SDHAF3: variants seen among roughly 807,000 people sequenced by gnomAD.
SDHAF3 encodes the protein succinate dehydrogenase complex assembly factor 3.
In SDHAF3, 18 loss-of-function variants were observed where a neutral mutation model predicts 11.5. The ratio of observed to expected loss-of-function variants is 1.56; its 90% CI spans 1.08 to 2.32. The LOEUF (loss-of-function observed/expected upper bound fraction) is 2.32. Ranked by LOEUF, SDHAF3 falls within the 30% of genes most tolerant of loss-of-function variation. The probability of loss-of-function intolerance (pLI) is 0.00; values close to 1 mark genes in which losing one functional copy is unlikely to be tolerated. For synonymous variants in SDHAF3, 72 were observed against 59.3 expected, an observed-to-expected ratio of 1.21 and a Z score of -0.99; for missense variants, 200 against 154.4, an observed-to-expected ratio of 1.30 and a Z score of -1.57.
At chr7:97,144,540 A>T (rs1419137386) in intron 1 of SDHAF3, among the ~76,000 whole-genome samples, 1 of 152,186 alleles carries the variant, frequency 6.6e-6, no homozygotes, top group Non-Finnish European at 1.5e-5. Flanking sequence ...GTGGCTAGCC[A>T]ATTATTCTAG....
At chr7:97,143,384 G>A (rs1403388034) in intron 1 of SDHAF3, among the ~76,000 whole-genome samples, 2 of 151,930 alleles carry the variant, frequency 1.3e-5, no homozygotes, top group Non-Finnish European at 2.9e-5. Context: ...TGATTTGTCA[G>A]ATTTTGGTCC....
chr7:97,173,904 T>TC (rs1789642295), intron 1 of SDHAF3, among the ~76,000 whole-genome samples: 1 of 151,058 alleles, frequency 6.6e-6, no homozygotes, highest in Non-Finnish European at 1.5e-5. Context: ...TTCCTGATTG[T>TC]TTTTGTTAGC....
chr7:97,128,624 G>A (rs1584209534), intron 1 of SDHAF3, among the ~76,000 whole-genome samples: 1 of 152,062 alleles, frequency 6.6e-6, no homozygotes, highest in South Asian at 2.1e-4. Context: ...TGAAGTTTTT[G>A]TACAAATTTA....
At chr7:97,129,524 G>T (rs1223858024) in intron 1 of SDHAF3, among the ~76,000 whole-genome samples, 5 of 152,146 alleles carry the variant, frequency 3.3e-5, no homozygotes, top group African/African-American at 1.2e-4. Flanking sequence ...TCTGGCTTTG[G>T]AAGGGAGAGG....
At chr7:97,173,252 A>ATGTT (rs1214835236) in intron 1 of SDHAF3, among the ~76,000 whole-genome samples, 7 of 152,126 alleles carry the variant, frequency 4.6e-5, no homozygotes, top group African/African-American at 1.7e-4. Flanking sequence ...TTTTAGTTGA[A>ATGTT]TGTTTCTAAT....
rs2115658085 is a variant in SDHAF3 at position 97,138,461 on chromosome 7, G to GCC, written c.174+20566_174+20567dup. Among the ~76,000 whole-genome samples, 3 of 152,248 alleles carry GCC rather than the reference G, an allele frequency of 2.0e-5. No individual in the cohort carries two copies. The East Asian group carries it at 5.8e-4, about 29-fold the overall frequency. ...TACAGGCATGAGCCACCACTGCCCA[G>GCC]CCCTCATTGGCTTTTGAAGATCATT... On this transcript the variant is annotated intron_variant, in intron 1 of 1. Transcript: ENST00000432641.
At chr7:97,171,931 C>G (rs1397165920) in intron 1 of SDHAF3, among the ~76,000 whole-genome samples, 1 of 151,968 alleles carries the variant, frequency 6.6e-6, no homozygotes, top group Non-Finnish European at 1.5e-5. Context: ...TGCAAAATTG[C>G]TTTGATCTCT....
intron 1 of SDHAF3, among the ~76,000 whole-genome samples, chr7:97,151,923 A>T (rs1409888778): frequency 1.3e-5 from 2 of 152,116 alleles, no homozygotes; most frequent in Non-Finnish European, 2.9e-5. Flanking sequence ...TCATGATACC[A>T]AAGAGCCTTA....
At chr7:97,126,061 C>T (rs1165879910) in intron 1 of SDHAF3, among the ~76,000 whole-genome samples, 1 of 152,224 alleles carries the variant, frequency 6.6e-6, no homozygotes, top group African/African-American at 2.4e-5. Context: ...GGCCCCTCTT[C>T]TGCAGATCTG....
intron 1 of SDHAF3, among the ~76,000 whole-genome samples, chr7:97,169,744 A>G (rs551576605): frequency 2.5e-4 from 38 of 152,216 alleles, no homozygotes. Flanking sequence ...TAAAAAATGT[A>G]AAAAAAGAAA....
chr7:97,157,898 G>T lies in SDHAF3; in HGVS notation c.175-23114G>T, dbSNP rs551890003. On this transcript the variant is annotated intron_variant, in intron 1 of 1. Coordinates refer to ENST00000432641, the MANE Select transcript of SDHAF3 (RefSeq NM_020186.3). The stretch of plus-strand genomic sequence containing the variant: ...CAAACACCGCATGTTCTCACTCATA[G>T]GTGGGAATTGAACAATGAGAACACA... Among the ~76,000 whole-genome samples, 27 of 145,388 alleles carry T rather than the reference G, an allele frequency of 1.9e-4. 1 individual carries two copies. In the South Asian group the frequency reaches 5.6e-3, roughly 30 times the overall value.
At chr7:97,166,180 A>C (rs1171091441) in intron 1 of SDHAF3, among the ~76,000 whole-genome samples, 5 of 152,196 alleles carry the variant, frequency 3.3e-5, no homozygotes, top group African/African-American at 1.2e-4. Flanking sequence ...TAAACCAATT[A>C]ACTTAGTAGT....
rs774423857 is a variant in SDHAF3, at chr7:97,117,802, C to T, written c.79C>T (p.Leu27Phe). Residue 27 changes from leucine (L) to phenylalanine (F), a missense_variant, in exon 1 of 2, where the codon CTC becomes TTC. Coordinates refer to ENST00000432641, the MANE Select transcript of SDHAF3 (RefSeq NM_020186.3). ...LQLHRVLPPD[L>F]KSLGDQYVKD... ...GCTGCACCGTGTTCTGCCCCCGGAC[C>T]TCAAATCCCTGGGCGACCAGTACGT... 4 of 1,614,070 alleles carry T rather than the reference C, an allele frequency of 2.5e-6. No homozygotes were observed. In the African/African-American group the frequency reaches 4.0e-5, roughly 16 times the overall value.
At chr7:97,134,002 A>G (rs1253256948) in intron 1 of SDHAF3, among the ~76,000 whole-genome samples, 1 of 152,218 alleles carries the variant, frequency 6.6e-6, no homozygotes, top group African/African-American at 2.4e-5. Flanking sequence ...ACTTTGGTGC[A>G]ATAACTCTTT....
chr7:97,171,005 T>G (rs1789595292), intron 1 of SDHAF3, among the ~76,000 whole-genome samples: 1 of 151,966 alleles, frequency 6.6e-6, no homozygotes, highest in South Asian at 2.1e-4. Context: ...CATAGGTTCT[T>G]TTTTCTTTTT....
At position 97,117,729 on chromosome 7, in the gene SDHAF3, G is replaced by C. The variant is rs566561181; in HGVS notation, c.6G>C (p.Pro2=). 8 of 1,611,940 alleles carry C rather than the reference G, an allele frequency of 5.0e-6. No homozygotes were observed. In the South Asian group the frequency reaches 6.6e-5, roughly 13 times the overall value. The change falls in exon 1 of 2, where the codon CCG becomes CCC. Residue 2 remains proline (P), a synonymous_variant. Coordinates refer to ENST00000432641, the MANE Select transcript of SDHAF3 (RefSeq NM_020186.3). M[P]GRHVSRVRAL... ...GGCGGTCGGCGTGGGGCGCTATGCC[G>C]GGGCGGCACGTTTCTCGAGTCCGGG... is the stretch of plus-strand genomic sequence containing the variant.
intron 1 of SDHAF3, among the ~76,000 whole-genome samples, chr7:97,143,941 C>T (rs1298185258): frequency 6.6e-6 from 1 of 152,190 alleles, no homozygotes; most frequent in Non-Finnish European, 1.5e-5. Flanking sequence ...TACTGGTTTA[C>T]ATTCCCACCA....
chr7:97,177,278 G>A (rs190723551), intron 1 of SDHAF3, among the ~76,000 whole-genome samples: 1 of 152,124 alleles, frequency 6.6e-6, no homozygotes, highest in Non-Finnish European at 1.5e-5. Flanking sequence ...TGAGGCGGGT[G>A]GATCATGAGG....
At chr7:97,131,913 T>C (rs1405403395) in intron 1 of SDHAF3, among the ~76,000 whole-genome samples, 3 of 152,178 alleles carry the variant, frequency 2.0e-5, no homozygotes, top group Admixed American at 6.5e-5. Context: ...AGCCACATGA[T>C]GGATGGGTTA....
Sources: allele counts gnomAD v4.1 joint callset (sites outside exome capture counted in the v4.1 genomes callset), GRCh38; gene constraint gnomAD v4.1.1; transcripts MANE v1.5; gene names NCBI Gene and HGNC (gene_info 2026-07-23, HGNC 2026-07-21).